CTIF: variants seen among roughly 807,000 people sequenced by gnomAD.
The protein encoded by CTIF is CBP80/20-dependent translation initiation factor.
A neutral mutation model predicts 66.0 loss-of-function variants in CTIF; 21 were observed. That is an observed-to-expected ratio of 0.32 (90% confidence interval 0.23 to 0.46). The LOEUF (loss-of-function observed/expected upper bound fraction) is 0.46, where lower values mean the gene tolerates loss of function less well. CTIF is among the 20% of genes least tolerant of loss of function. The probability of loss-of-function intolerance (pLI) is 1.00; values close to 1 mark genes in which losing one functional copy is unlikely to be tolerated. For synonymous variants in CTIF, 345 were observed against 326.4 expected (o/e 1.06, Z -0.62); for missense variants, 739 against 812.7 (o/e 0.91, Z 1.10).
intron 10 of CTIF, among the ~76,000 whole-genome samples, chr18:48,818,093 A>C (rs2068407471): frequency 6.6e-6 from 1 of 152,250 alleles, no homozygotes; most frequent in African/African-American, 2.4e-5. Context: ...AAGAATGACC[A>C]AGGAACTTTT....
At chr18:48,722,020 T>A (rs550628815) in intron 7 of CTIF, among the ~76,000 whole-genome samples, 1 of 152,110 alleles carries the variant, frequency 6.6e-6, no homozygotes, top group Admixed American at 6.5e-5. Flanking sequence ...CTGAAAGACA[T>A]GTTGGAGGCT....
intron 9 of CTIF, among the ~76,000 whole-genome samples, chr18:48,780,583 G>A (rs960608042): frequency 2.6e-5 from 4 of 152,138 alleles, no homozygotes; most frequent in African/African-American, 7.2e-5. Flanking sequence ...CCCTCCCTGC[G>A]AGCTTGGCGG....
At chr18:48,557,310 T>G (rs1311993958) in intron 1 of CTIF, among the ~76,000 whole-genome samples, 1 of 152,176 alleles carries the variant, frequency 6.6e-6, no homozygotes, top group East Asian at 1.9e-4. Flanking sequence ...TCATGAACCA[T>G]TTTGTGCCCC....
At chr18:48,664,103 G>A (rs1298416796) in intron 4 of CTIF, among the ~76,000 whole-genome samples, 1 of 152,158 alleles carries the variant, frequency 6.6e-6, no homozygotes, top group Non-Finnish European at 1.5e-5. Flanking sequence ...TGGCCGGGTC[G>A]TCACTTTGAG....
chr18:48,859,502 T>C lies in CTIF; in HGVS notation c.1740T>C (p.Pro580=). Reference sequence around the variant, plus strand: ...AGCTCCACGCTAACAGCTGGAACCCTCTGACGCCCCCCATCACGCAGTACT... The same window carrying C: ...AGCTCCACGCTAACAGCTGGAACCCCCTGACGCCCCCCATCACGCAGTACT... ...VIELHANSWN[P]LTPPITQYYN... is the part of the protein sequence containing the mutation. The change falls in exon 12 of 12, where the codon CCT becomes CCC. Residue 580 remains proline, a synonymous_variant. Transcript: ENST00000256413. The C allele has an allele frequency of 6.2e-7, 1 of 1,614,142 alleles. No individual in the cohort carries two copies.
At chr18:48,585,253 C>T (rs1243122522) in intron 1 of CTIF, among the ~76,000 whole-genome samples, 1 of 152,210 alleles carries the variant, frequency 6.6e-6, no homozygotes, top group Non-Finnish European at 1.5e-5. Context: ...GAAAATCTAT[C>T]TTTATGTTGA....
chr18:48,857,159 T>G (rs2069347835), intron 10 of CTIF, among the ~76,000 whole-genome samples: 1 of 152,158 alleles, frequency 6.6e-6, no homozygotes, highest in Non-Finnish European at 1.5e-5. Flanking sequence ...GGTGCCTGAG[T>G]CAATGGCTGA....
chr18:48,551,839 C>T (rs2088890170), intron 1 of CTIF, among the ~76,000 whole-genome samples: 1 of 151,962 alleles, frequency 6.6e-6, no homozygotes, highest in Non-Finnish European at 1.5e-5. Flanking sequence ...ACTCTGTCAC[C>T]CAGGCTGGAG....
intron 9 of CTIF, among the ~76,000 whole-genome samples, chr18:48,768,741 C>G (rs1235979497): frequency 6.6e-6 from 1 of 151,140 alleles, no homozygotes; most frequent in Non-Finnish European, 1.5e-5. Flanking sequence ...AAGACCCCAT[C>G]TTTGAAAAAA....
intron 9 of CTIF, among the ~76,000 whole-genome samples, chr18:48,812,753 CAAAA>C (rs751864883): frequency 3.0e-5 from 2 of 67,666 alleles, no homozygotes; most frequent in African/African-American, 4.9e-5. Context: ...GACCCTGTCT[CAAAA>C]AAAAAAAAAA....
intron 1 of CTIF, among the ~76,000 whole-genome samples, chr18:48,597,511 T>C: frequency 6.6e-6 from 1 of 152,090 alleles, no homozygotes; most frequent in East Asian, 1.9e-4. Context: ...AAGCGAACTC[T>C]CTCCCTGAGT....
chr18:48,786,687 T>C (rs1234457768), intron 9 of CTIF, among the ~76,000 whole-genome samples: 1 of 152,214 alleles, frequency 6.6e-6, no homozygotes, highest in Non-Finnish European at 1.5e-5. Flanking sequence ...AGTCAATGTT[T>C]GCCCTTTGGC....
intron 1 of CTIF, among the ~76,000 whole-genome samples, chr18:48,544,612 T>C (rs1408327944): frequency 4.6e-5 from 7 of 152,220 alleles, no homozygotes; most frequent in Non-Finnish European, 1.0e-4. Flanking sequence ...AGCAACGATC[T>C]GTAGAGTGGA....
Position 48,677,618 on chromosome 18 carries a change from G to A in CTIF, c.507+6874G>A, listed in dbSNP as rs117580119. On this transcript the variant is annotated intron_variant, in intron 6 of 11. Transcript: ENST00000256413. The stretch of plus-strand genomic sequence containing the variant: ...ACTTTACAGACCGATGTCTTTGGTC[G>A]GATGTAACCTTCTCAGTAAGGGCTT... Among the ~76,000 whole-genome samples the A allele has an allele frequency of 6.6e-3, 1,005 of 152,242 alleles. 11 individuals are homozygous for A. The highest frequency in any genetic ancestry group is 0.037 in the Middle Eastern group (11 of 294).
At chr18:48,575,146 A>G (rs1172387078) in intron 1 of CTIF, among the ~76,000 whole-genome samples, 1 of 152,236 alleles carries the variant, frequency 6.6e-6, no homozygotes, top group Non-Finnish European at 1.5e-5. Context: ...GAGGTGGCCA[A>G]GCAGGCCGCC....
intron 2 of CTIF, among the ~76,000 whole-genome samples, chr18:48,627,606 C>T (rs954200696): frequency 2.0e-5 from 3 of 151,982 alleles, no homozygotes; most frequent in Admixed American, 6.6e-5. Context: ...GTGATCCCAG[C>T]TACTGGGGAG....
intron 7 of CTIF, among the ~76,000 whole-genome samples, chr18:48,740,548 T>C (rs2145739835): frequency 6.6e-6 from 1 of 152,324 alleles, no homozygotes; most frequent in South Asian, 2.1e-4. Context: ...AGCAGAATGG[T>C]CAGGGTGAGA....
intron 7 of CTIF, among the ~76,000 whole-genome samples, chr18:48,745,248 G>T (rs1045035953): frequency 1.6e-4 from 24 of 152,170 alleles, no homozygotes; most frequent in African/African-American, 5.6e-4. Context: ...TTGGACTTGG[G>T]TTATAGGCAC....
At chr18:48,581,358 T>C (rs993009453) in intron 1 of CTIF, among the ~76,000 whole-genome samples, 1 of 152,226 alleles carries the variant, frequency 6.6e-6, no homozygotes, top group Admixed American at 6.5e-5. Context: ...TGACACCCTC[T>C]TAGGTTTTCA....
Sources: allele counts gnomAD v4.1 joint callset (sites outside exome capture counted in the v4.1 genomes callset), GRCh38; gene constraint gnomAD v4.1.1; transcripts MANE v1.5; gene names NCBI Gene and HGNC (gene_info 2026-07-23, HGNC 2026-07-21).